IL26: variants seen among roughly 807,000 people sequenced by gnomAD.
IL26 encodes interleukin-26.
Under a neutral mutation model 21.7 loss-of-function variants are expected in IL26, and 23 were observed. That is an observed-to-expected ratio of 1.06 (90% confidence interval 0.76 to 1.50). The LOEUF (loss-of-function observed/expected upper bound fraction) is 1.50. Ranked by LOEUF, IL26 falls within the 40% of genes most tolerant of loss-of-function variation. The pLI is 0.00. For missense variants in IL26, 204 were observed against 196.0 expected (o/e 1.04, Z -0.24); for synonymous variants, 63 against 67.8 (o/e 0.93, Z 0.34).
At chr12:68,209,288 CT>C (rs1456894446) in intron 3 of IL26, among the ~76,000 whole-genome samples, 6 of 152,154 alleles carry the variant, frequency 3.9e-5, no homozygotes, top group Non-Finnish European at 8.8e-5. Context: ...TGCAAAGGCC[CT>C]GAGCTCTGGA....
chr12:68,205,687 T>C (rs1350086216), intron 3 of IL26, among the ~76,000 whole-genome samples: 2 of 147,650 alleles, frequency 1.4e-5, no homozygotes, highest in Non-Finnish European at 1.5e-5. Context: ...GGTGTAACTT[T>C]AAGGAAATAC....
chr12:68,223,884 G>GTTTTTTTTTTTTTTTTTT (rs376115904), intron 3 of IL26, among the ~76,000 whole-genome samples: 4 of 132,272 alleles, frequency 3.0e-5, no homozygotes, highest in East Asian at 2.3e-4. Context: ...AAATTTGGTG[G>GTTTTTTTTTTTTTTTTTT]TTTTTTTTTT....
intron 3 of IL26, among the ~76,000 whole-genome samples, chr12:68,220,748 T>C (rs1267167051): frequency 1.3e-5 from 2 of 152,244 alleles, no homozygotes; most frequent in Non-Finnish European, 2.9e-5. Flanking sequence ...GAGATTCTCC[T>C]GTCTCAGTCT....
At chr12:68,211,889 C>T (rs563380011) in intron 3 of IL26, among the ~76,000 whole-genome samples, 1 of 152,102 alleles carries the variant, frequency 6.6e-6, no homozygotes, top group East Asian at 1.9e-4. Context: ...TACATAATCC[C>T]ATTTGTCTAT....
At chr12:68,213,857 A>G (rs548210820) in intron 3 of IL26, among the ~76,000 whole-genome samples, 1 of 151,722 alleles carries the variant, frequency 6.6e-6, no homozygotes, top group South Asian at 2.1e-4. Context: ...GCTCAATTTC[A>G]TTTGTTTCTG....
intron 3 of IL26, among the ~76,000 whole-genome samples, chr12:68,209,992 T>G (rs1449016568): frequency 6.6e-6 from 1 of 152,166 alleles, no homozygotes; most frequent in African/African-American, 2.4e-5. Context: ...AACTTCAGAC[T>G]GGATCATAAC....
At chr12:68,217,328 C>T (rs1391484745) in intron 3 of IL26, among the ~76,000 whole-genome samples, 2 of 152,094 alleles carry the variant, frequency 1.3e-5, no homozygotes, top group East Asian at 1.9e-4. Context: ...AGGCAGGTAC[C>T]TTAGAGAAAT....
intron 3 of IL26, among the ~76,000 whole-genome samples, chr12:68,212,962 C>G (rs1239805668): frequency 6.6e-6 from 1 of 152,026 alleles, no homozygotes; most frequent in Non-Finnish European, 1.5e-5. Context: ...CAAACTTGTC[C>G]TGTTCCAGAT....
chr12:68,221,447 C>T (rs1382728022), intron 3 of IL26, among the ~76,000 whole-genome samples: 1 of 152,062 alleles, frequency 6.6e-6, no homozygotes, highest in African/African-American at 2.4e-5. Context: ...ATGAGTGACA[C>T]AATGTTGCCT....
chr12:68,215,494 T>G lies in IL26; in HGVS notation c.363+9655A>C, dbSNP rs912375367. Among the ~76,000 whole-genome samples, 3 of 152,310 alleles carry G rather than the reference T, an allele frequency of 2.0e-5. No individual in the cohort carries two copies. The South Asian group carries it at 6.2e-4, about 32-fold the overall frequency. ...GTGTATTTGTTTTTGGTTTTCAGGATGCAGAAGAAGGGATAGTGAAGCCAG... is the reference window on the plus strand; with the variant it reads ...GTGTATTTGTTTTTGGTTTTCAGGAGGCAGAAGAAGGGATAGTGAAGCCAG... On this transcript the variant is annotated intron_variant, in intron 3 of 4. Coordinates refer to ENST00000229134, the MANE Select transcript of IL26 (RefSeq NM_018402.2).
intron 3 of IL26, among the ~76,000 whole-genome samples, chr12:68,216,339 T>C (rs1868879295): frequency 6.6e-6 from 1 of 152,136 alleles, no homozygotes. Context: ...TTATACAATA[T>C]AATACTAATT....
At chr12:68,207,600 C>G (rs77008502) in intron 3 of IL26, among the ~76,000 whole-genome samples, 2,023 of 152,268 alleles carry the variant, frequency 0.013, 61 homozygotes, top group African/African-American at 0.047. Flanking sequence ...TTCATGTGAG[C>G]AGTTTGTCTC....
At chr12:68,212,352 T>G (rs1477213608) in intron 3 of IL26, among the ~76,000 whole-genome samples, 1 of 152,102 alleles carries the variant, frequency 6.6e-6, no homozygotes, top group African/African-American at 2.4e-5. Flanking sequence ...TCAGTATTGC[T>G]TTGGCTTTTG....
intron 3 of IL26, among the ~76,000 whole-genome samples, chr12:68,223,877 T>TTCG (rs1235406402): frequency 7.9e-6 from 1 of 125,898 alleles, no homozygotes; most frequent in Non-Finnish European, 1.8e-5. Flanking sequence ...AGAACTTAAA[T>TTCG]TTGGTGGTTT....
intron 3 of IL26, among the ~76,000 whole-genome samples, chr12:68,213,867 G>C (rs1238561166): frequency 6.6e-6 from 1 of 151,620 alleles, no homozygotes; most frequent in Non-Finnish European, 1.5e-5. Flanking sequence ...ATTTGTTTCT[G>C]CTCTGACATT....
At chr12:68,221,465 G>A (rs1489224461) in intron 3 of IL26, among the ~76,000 whole-genome samples, 1 of 152,058 alleles carries the variant, frequency 6.6e-6, no homozygotes, top group African/African-American at 2.4e-5. Flanking sequence ...CCTATGAACA[G>A]GAATAAAAAA....
chr12:68,205,765 C>T (rs1868523155), intron 3 of IL26, among the ~76,000 whole-genome samples: 1 of 152,184 alleles, frequency 6.6e-6, no homozygotes. Context: ...ACCCTTCTTC[C>T]ACCATTTGCT....
At chr12:68,206,531 T>A (rs532277323) in intron 3 of IL26, among the ~76,000 whole-genome samples, 12 of 152,296 alleles carry the variant, frequency 7.9e-5, no homozygotes, top group African/African-American at 2.2e-4. Flanking sequence ...CATAAAAAAA[T>A]GTTCTCATTT....
chr12:68,219,266 A>G (rs79472897), intron 3 of IL26, among the ~76,000 whole-genome samples: 1 of 152,190 alleles, frequency 6.6e-6, no homozygotes, highest in South Asian at 2.1e-4. Flanking sequence ...TTACCAAAAT[A>G]GACCAAATTC....
Sources: gnomAD v4.1 joint callset for allele counts (sites outside exome capture counted in the v4.1 genomes callset) on GRCh38, gnomAD v4.1.1 for gene constraint, MANE v1.5 for transcripts, NCBI Gene and HGNC (gene_info 2026-07-23, HGNC 2026-07-21) for gene names.